HSD17B12: variants seen among roughly 807,000 people sequenced by gnomAD.
The protein encoded by HSD17B12 is hydroxysteroid 17-beta dehydrogenase 12.
In HSD17B12, 32 loss-of-function variants were observed where a neutral mutation model predicts 39.3. That is an observed-to-expected ratio of 0.81 (90% CI 0.61 to 1.09). HSD17B12 has a LOEUF of 1.09. Among genes scored for constraint, HSD17B12 ranks in the 50% least tolerant of loss-of-function variants. HSD17B12 has a pLI of 0.00. For missense variants in HSD17B12, 342 were observed against 382.9 expected (o/e 0.89, Z 0.89); for synonymous variants, 150 against 146.7 (o/e 1.02, Z -0.16).
the HSD17B12 span, among the ~76,000 whole-genome samples, chr11:43,615,566 A>G: frequency 2.0e-5 from 3 of 152,196 alleles, no homozygotes; most frequent in Non-Finnish European, 4.4e-5. Flanking sequence ...TGCTTAAGCT[A>G]TCCATTTCTA....
intron 1 of HSD17B12, among the ~76,000 whole-genome samples, chr11:43,732,031 G>A (rs551893219): frequency 2.6e-5 from 4 of 152,174 alleles, no homozygotes; most frequent in Non-Finnish European, 5.9e-5. Flanking sequence ...ATCTTGAATT[G>A]TAGTTCCCAT....
In HSD17B12 at chr11:43,690,387, TATATATA is replaced by T. The variant is rs1481969647; in HGVS notation, c.160+9401_160+9407del. Among the ~76,000 whole-genome samples, 127 of 19,282 alleles carry T rather than the reference TATATATA, an allele frequency of 6.6e-3. 8 individuals are homozygous for T. Among genetic ancestry groups the T allele is most frequent in the Middle Eastern group, 0.054 (4 of 74 alleles). 12.6% of individuals were successfully genotyped at this position (19,282 alleles called of 152,430 possible). On this transcript the variant is annotated intron_variant, in intron 1 of 10. Coordinates refer to ENST00000278353, the MANE Select transcript of HSD17B12 (RefSeq NM_016142.3). The stretch of plus-strand genomic sequence containing the variant: ...ATATATATATATATATATATATATA[TATATATA>T]TATATATATATTTTTTTTTTTTTTT...
chr11:43,755,708 C>A (rs1950502577), intron 3 of HSD17B12, among the ~76,000 whole-genome samples: 1 of 152,170 alleles, frequency 6.6e-6, no homozygotes, highest in Admixed American at 6.5e-5. Context: ...TGTATTGTCT[C>A]CTTTGATTCT....
At chr11:43,602,271 A>T in the HSD17B12 span, among the ~76,000 whole-genome samples, 1 of 152,250 alleles carries the variant, frequency 6.6e-6, no homozygotes, top group African/African-American at 2.4e-5. Flanking sequence ...ATGTATAAAT[A>T]CAAAGTTTCT....
intron 3 of HSD17B12, among the ~76,000 whole-genome samples, chr11:43,767,642 C>A (rs751290494): frequency 6.6e-6 from 1 of 152,024 alleles, no homozygotes; most frequent in Admixed American, 6.5e-5. Context: ...AATGACCTAG[C>A]GTTATGTCTA....
the HSD17B12 span, among the ~76,000 whole-genome samples, chr11:43,573,712 C>T: frequency 6.6e-6 from 1 of 152,194 alleles, no homozygotes; most frequent in South Asian, 2.1e-4. Flanking sequence ...AAGTGCCCTG[C>T]TCTGTATAGT....
chr11:43,668,150 C>G, the HSD17B12 span, among the ~76,000 whole-genome samples: 353 of 152,312 alleles, frequency 2.3e-3, 1 homozygote, highest in Non-Finnish European at 3.8e-3. Context: ...AATCATCTTA[C>G]AATTCTATAG....
intron 6 of HSD17B12, among the ~76,000 whole-genome samples, chr11:43,820,301 A>G (rs1951169236): frequency 6.6e-6 from 1 of 152,192 alleles, no homozygotes; most frequent in African/African-American, 2.4e-5. Context: ...GGTAATAGGT[A>G]TTTTATGATG....
At chr11:43,596,471 TG>T in the HSD17B12 span, among the ~76,000 whole-genome samples, 1 of 152,214 alleles carries the variant, frequency 6.6e-6, no homozygotes, top group African/African-American at 2.4e-5. Context: ...CTCGCTCTGT[TG>T]CCCAGGCTGG....
chr11:43,747,616 T>C (rs962494207), intron 1 of HSD17B12, among the ~76,000 whole-genome samples: 3 of 152,182 alleles, frequency 2.0e-5, no homozygotes, highest in African/African-American at 7.2e-5. Flanking sequence ...CTTTGAAGCG[T>C]TGGAATGTGG....
At chr11:43,621,210 G>A in the HSD17B12 span, among the ~76,000 whole-genome samples, 1 of 152,096 alleles carries the variant, frequency 6.6e-6, no homozygotes, top group Non-Finnish European at 1.5e-5. Context: ...AGTTCCCATA[G>A]TACTAATGGA....
At chr11:43,679,701 C>T (rs1020043059), upstream of HSD17B12, among the ~76,000 whole-genome samples, 9 of 152,302 alleles carry the variant, frequency 5.9e-5, no homozygotes, top group African/African-American at 1.9e-4. Context: ...AATTGTTCAG[C>T]AAGCTGTGTT....
At chr11:43,751,045 T>A in intron 2 of HSD17B12, 88 bp downstream of exon 2, 2 of 858,854 alleles carry the variant, frequency 2.3e-6, no homozygotes, top group Non-Finnish European at 3.6e-6. Flanking sequence ...ATTTTTGAAG[T>A]AAAAAACACA....
the HSD17B12 span, among the ~76,000 whole-genome samples, chr11:43,658,768 G>T: frequency 6.6e-6 from 1 of 152,164 alleles, no homozygotes; most frequent in Non-Finnish European, 1.5e-5. Context: ...TGTCTCAGAC[G>T]AGTACCCGGC....
chr11:43,676,248 G>A (rs532715676), upstream of HSD17B12, among the ~76,000 whole-genome samples: 6 of 89,852 alleles, frequency 6.7e-5, no homozygotes, highest in East Asian at 3.8e-4. Flanking sequence ...TGTGTTAAGC[G>A]TAGAGTTCTA....
At chr11:43,734,269 G>T in intron 1 of HSD17B12, 1 of 1,294,462 alleles carries the variant, frequency 7.7e-7, no homozygotes, top group South Asian at 1.2e-5. Context: ...TGACACATCT[G>T]ACTTTCAGGA....
rs1024047713 is a variant in HSD17B12, at chr11:43,750,265, T to A, written c.161-646T>A. ...TCCACTATCCAGAGATAACCAGTATTCTGACTTCTGTCACCATAGATTAGT... is the reference window on the plus strand; with the variant it reads ...TCCACTATCCAGAGATAACCAGTATACTGACTTCTGTCACCATAGATTAGT... On this transcript the variant is annotated intron_variant, in intron 1 of 10. Transcript: ENST00000278353. Among the ~76,000 whole-genome samples, 892 of 152,258 alleles carry A rather than the reference T, an allele frequency of 5.9e-3. 8 individuals are homozygous for A. The highest frequency in any genetic ancestry group is 0.021 in the African/African-American group (859 of 41,564).
the HSD17B12 span, among the ~76,000 whole-genome samples, chr11:43,581,935 T>C: frequency 1.6e-3 from 246 of 152,250 alleles, 2 homozygotes; most frequent in African/African-American, 5.7e-3. The surrounding 1 kb of genome is among the most constrained non-coding windows in gnomAD (Gnocchi z 4.9). Context: ...TTCTGCAATA[T>C]GGGGGTGGGG....
At chr11:43,754,445 G>A (rs917123786) in intron 3 of HSD17B12, among the ~76,000 whole-genome samples, 15 of 151,924 alleles carry the variant, frequency 9.9e-5, no homozygotes, top group African/African-American at 1.2e-4. Context: ...GTATGGTGGC[G>A]GGCACCTGTA....
Sources: allele counts gnomAD v4.1 joint callset (sites outside exome capture counted in the v4.1 genomes callset), GRCh38; gene constraint gnomAD v4.1.1; non-coding constraint Gnocchi (gnomAD v3.1); transcripts MANE v1.5; gene names NCBI Gene and HGNC (gene_info 2026-07-23, HGNC 2026-07-21).